Variants in TEX264 observed in about 807,000 individuals in gnomAD.
TEX264 encodes testis expressed 264, ER-phagy receptor, also known as testis-expressed protein 264.
In TEX264, 13 loss-of-function variants were observed where a neutral mutation model predicts 23.4. The observed-to-expected ratio is 0.56, with a 90% CI of 0.36 to 0.88. The LOEUF is 0.88. Among genes scored for constraint, TEX264 ranks in the 40% least tolerant of loss-of-function variants. TEX264 has a pLI of 0.01. For synonymous variants in TEX264, 159 were observed against 170.0 expected (o/e 0.94, Z 0.50); for missense variants, 340 against 406.8 (o/e 0.84, Z 1.41).
chr3:51,703,850 G>A lies in TEX264; in HGVS notation c.776G>A (p.Ser259Asn). Reference sequence around the variant, plus strand: ...GGCTGGGATGACGGTGACACCCGCAGCGAGCACAGCTACAGCGAGTCAGGT... The same window carrying A: ...GGCTGGGATGACGGTGACACCCGCAACGAGCACAGCTACAGCGAGTCAGGT... Reference protein sequence around the residue: ...SRGWDDGDTRSEHSYSESGAS... With the variant: ...SRGWDDGDTRNEHSYSESGAS... Residue 259 changes from serine to asparagine, a missense_variant, in exon 5 of 5, where the codon AGC (serine) becomes AAC (asparagine). By Grantham distance (46) the Ser-to-Asn change is conservative. Coordinates refer to ENST00000341333, the MANE Select transcript of TEX264 (RefSeq NM_015926.6). The surrounding 1 kb of genome is among the most constrained non-coding windows in gnomAD (Gnocchi z 4.8). The A allele has an allele frequency of 6.2e-7, 1 of 1,613,050 alleles. No individual in the cohort carries two copies. The highest frequency in any genetic ancestry group is 8.5e-7 in the Non-Finnish European group (1 of 1,179,384).
At chr3:51,672,810 A>G (rs1702095118) in intron 1 of TEX264, among the ~76,000 whole-genome samples, 1 of 152,210 alleles carries the variant, frequency 6.6e-6, no homozygotes, top group South Asian at 2.1e-4. Flanking sequence ...GGGTGAATGA[A>G]GTAGCTGTGT....
intron 4 of TEX264, among the ~76,000 whole-genome samples, chr3:51,701,638 T>C (rs971415475): frequency 6.6e-6 from 1 of 151,542 alleles, no homozygotes; most frequent in African/African-American, 2.4e-5. Flanking sequence ...CTTTTTTTTG[T>C]TTGTTTGTTT....
At chr3:51,674,666 C>T in intron 2 of TEX264, 104 bp downstream of exon 2, 1 of 1,406,168 alleles carries the variant, frequency 7.1e-7, no homozygotes, top group Middle Eastern at 2.5e-4. Context: ...GGAGAATCTT[C>T]AAGCTGGCCC....
intron 1 of TEX264, among the ~76,000 whole-genome samples, chr3:51,673,414 C>T (rs533046302): frequency 6.6e-6 from 1 of 152,342 alleles, no homozygotes; most frequent in South Asian, 2.1e-4. Flanking sequence ...TGTTATGTTC[C>T]TGGGACTGCT....
intron 3 of TEX264, among the ~76,000 whole-genome samples, chr3:51,690,651 C>G (rs1295075947): frequency 1.3e-5 from 2 of 151,988 alleles, no homozygotes; most frequent in Non-Finnish European, 2.9e-5. Context: ...CTTTGCCAAG[C>G]TAACATGGGA....
At chr3:51,687,255 G>A (rs1702655597) in intron 3 of TEX264, among the ~76,000 whole-genome samples, 1 of 152,268 alleles carries the variant, frequency 6.6e-6, no homozygotes, top group Non-Finnish European at 1.5e-5. Context: ...TTGGCAGCAG[G>A]GTGTGGGGGT....
chr3:51,700,889 A>C (rs1703272533), intron 4 of TEX264, among the ~76,000 whole-genome samples: 1 of 150,152 alleles, frequency 6.7e-6, no homozygotes, highest in Non-Finnish European at 1.5e-5. Context: ...CTGACACCCC[A>C]GCGGGACTCG....
At chr3:51,678,115 T>C (rs1440429075) in intron 2 of TEX264, among the ~76,000 whole-genome samples, 1 of 152,170 alleles carries the variant, frequency 6.6e-6, no homozygotes, top group Non-Finnish European at 1.5e-5. Flanking sequence ...ATACTGCCCT[T>C]GCATGACTGG....
intron 4 of TEX264, among the ~76,000 whole-genome samples, chr3:51,700,993 C>T (rs374021671): frequency 1.3e-5 from 2 of 152,204 alleles, no homozygotes; most frequent in African/African-American, 4.8e-5. Flanking sequence ...TGTCCCTGCC[C>T]GCCTCCCTGC....
At chr3:51,680,415 G>A (rs768437164) in intron 2 of TEX264, among the ~76,000 whole-genome samples, 1 of 152,252 alleles carries the variant, frequency 6.6e-6, no homozygotes, top group Non-Finnish European at 1.5e-5. Context: ...GGAAGGGGCA[G>A]TGGGGCCAGC....
intron 2 of TEX264, among the ~76,000 whole-genome samples, chr3:51,677,914 G>A (rs1702285132): frequency 1.3e-5 from 2 of 152,194 alleles, no homozygotes; most frequent in Admixed American, 1.3e-4. Context: ...GGAAGGTGGG[G>A]AAGAAGTCTT....
chr3:51,671,500 G>C (rs1043152800), intron 1 of TEX264: 1 of 154,728 alleles, frequency 6.5e-6, no homozygotes, highest in African/African-American at 2.4e-5. Context: ...CTTCCGGGCA[G>C]CCCACTTCCG....
intron 3 of TEX264, among the ~76,000 whole-genome samples, chr3:51,690,725 A>G (rs1166333639): frequency 6.6e-6 from 1 of 152,144 alleles, no homozygotes; most frequent in Non-Finnish European, 1.5e-5. Context: ...TCACTTATTC[A>G]GCAGTTATTT....
At chr3:51,677,776 G>A (rs1288544798) in intron 2 of TEX264, among the ~76,000 whole-genome samples, 1 of 152,220 alleles carries the variant, frequency 6.6e-6, no homozygotes, top group Non-Finnish European at 1.5e-5. Flanking sequence ...AGCTGCTGCT[G>A]GAGCTGTTAG....
intron 1 of TEX264, among the ~76,000 whole-genome samples, chr3:51,673,528 G>A (rs1165206470): frequency 6.6e-6 from 1 of 152,152 alleles, no homozygotes; most frequent in Non-Finnish European, 1.5e-5. Context: ...TTTCTTCTGT[G>A]GGCTGGAAAA....
chr3:51,693,764 G>A (rs1042221573), intron 3 of TEX264, among the ~76,000 whole-genome samples: 10 of 152,160 alleles, frequency 6.6e-5, no homozygotes, highest in Non-Finnish European at 1.3e-4. Context: ...ACAGGCGTGA[G>A]CCACCACTCC....
rs1197570561 is a variant in TEX264, at chr3:51,703,844, C to G, written c.770C>G (p.Thr257Ser). Reference protein sequence around the residue: ...ASSRGWDDGDTRSEHSYSESG... With the variant: ...ASSRGWDDGDSRSEHSYSESG... ...AGCCGTGGCTGGGATGACGGTGACACCCGCAGCGAGCACAGCTACAGCGAG... is the reference window on the plus strand; with the variant it reads ...AGCCGTGGCTGGGATGACGGTGACAGCCGCAGCGAGCACAGCTACAGCGAG... Residue 257 changes from threonine to serine, a missense_variant, in exon 5 of 5, where the codon ACC (threonine) becomes AGC (serine). Physicochemically the swap from Thr to Ser is moderately conservative, Grantham distance 58 (BLOSUM62 1). Transcript: ENST00000341333. This position sits in a 1 kb window ranked among gnomAD's most constrained non-coding sequence, Gnocchi z 4.8. The G allele has an allele frequency of 6.2e-7, 1 of 1,612,990 alleles. No individual in the cohort carries two copies. The highest frequency in any genetic ancestry group is 8.5e-7 in the Non-Finnish European group (1 of 1,179,442).
intron 3 of TEX264, among the ~76,000 whole-genome samples, chr3:51,690,493 C>T (rs952434032): frequency 1.3e-5 from 2 of 150,678 alleles, no homozygotes; most frequent in Non-Finnish European, 1.5e-5. Context: ...GATCACGACA[C>T]TGCCCAGTGA....
At chr3:51,677,111 G>A (rs72953421) in intron 2 of TEX264, among the ~76,000 whole-genome samples, 3,268 of 152,330 alleles carry the variant, frequency 0.021, 122 homozygotes, top group African/African-American at 0.074. Flanking sequence ...TGGTCCGGAA[G>A]GACCTGAGGC....
Sources: allele counts gnomAD v4.1 joint callset (sites outside exome capture counted in the v4.1 genomes callset), GRCh38; gene constraint gnomAD v4.1.1; non-coding constraint Gnocchi (gnomAD v3.1); transcripts MANE v1.5; gene names NCBI Gene and HGNC (gene_info 2026-07-23, HGNC 2026-07-21).